Variants in TLE1 observed in about 807,000 individuals in gnomAD.
TLE1 encodes transducin-like enhancer protein 1.
In TLE1, 21 loss-of-function variants were observed where a neutral mutation model predicts 89.8. The observed-to-expected ratio is 0.23, with a 90% confidence interval of 0.17 to 0.34. The LOEUF is 0.34. Ranked by LOEUF, TLE1 falls within the 10% of genes least tolerant of loss-of-function variation. TLE1 has a pLI of 1.00. For missense variants in TLE1, 795 were observed against 1,031.2 expected, an observed-to-expected ratio of 0.77 and a Z score of 3.14; for synonymous variants, 447 against 407.6, an observed-to-expected ratio of 1.10 and a Z score of -1.16.
chr9:81,584,958 T>TCATC (rs1168218036), intron 18 of TLE1, among the ~76,000 whole-genome samples: 1 of 106,862 alleles, frequency 9.4e-6, no homozygotes, highest in Non-Finnish European at 2.0e-5. Context: ...TGATAGGCAC[T>TCATC]CATCCACCCA....
In TLE1 at chr9:81,616,662, A is replaced by C. The variant is rs780682032; in HGVS notation, c.749T>G (p.Val250Gly). ...AATGGTTACCTCATTAGACACATCC[A>C]CAACTAAGTTGTCATCGCTTTTGTC... ...DGDKSDDNLVVDVSNEDPSSP... is the reference protein window; with the variant it reads ...DGDKSDDNLVGDVSNEDPSSP... Residue 250 changes from valine (V) to glycine (G), a missense_variant, in exon 10 of 20, where the codon GTG becomes GGG. Physicochemically the swap from Val to Gly is moderately radical, Grantham distance 109. Transcript: ENST00000376499. 6.2e-7 allele frequency: 1 copy of C among 1,614,132 alleles called. No individual in the cohort carries two copies. Among genetic ancestry groups the C allele is most frequent in the Non-Finnish European group, 8.5e-7 (1 of 1,180,018 alleles).
At chr9:81,648,318 AAAAG>A (rs1287332875) in intron 6 of TLE1, among the ~76,000 whole-genome samples, 1 of 151,780 alleles carries the variant, frequency 6.6e-6, no homozygotes, top group Admixed American at 6.6e-5. Context: ...TTCACATGCC[AAAAG>A]AAAGAAAGAA....
chr9:81,616,572 A>G, intron 10 of TLE1, 74 bp downstream of exon 10: 2 of 1,545,412 alleles, frequency 1.3e-6, no homozygotes, highest in Non-Finnish European at 1.8e-6. Context: ...TACTTCCTTC[A>G]TTCACTGTTA....
chr9:81,645,288 G>A (rs563031072), intron 6 of TLE1, among the ~76,000 whole-genome samples: 16 of 151,602 alleles, frequency 1.1e-4, no homozygotes, highest in South Asian at 8.3e-4. Flanking sequence ...CGCTTAACCC[G>A]GGAGGCAGAG....
rs1207372648 is a variant in TLE1 at position 81,688,689 on chromosome 9, C to T, written c.-449G>A. The T allele has an allele frequency of 1.3e-5, 2 of 159,762 alleles. No individual in the cohort carries two copies. The highest frequency in any genetic ancestry group is 1.8e-4 in the East Asian group (1 of 5,532). The allele number at this position is 159,762 out of a possible 1,614,324, so 9.9% of individuals were successfully genotyped here. A position where few individuals can be genotyped will look rare whatever the true frequency, so the allele number is the denominator to read the frequency against. ...TTTCTTTGCTCTTCTCCTGGTCCGCCTCCTCTTCGGGCTTTCCCCGAGGCG... is the reference window on the plus strand; with the variant it reads ...TTTCTTTGCTCTTCTCCTGGTCCGCTTCCTCTTCGGGCTTTCCCCGAGGCG... On this transcript the variant is annotated 5_prime_UTR_variant, in exon 1 of 20. Coordinates refer to ENST00000376499, the MANE Select transcript of TLE1 (RefSeq NM_005077.5).
intron 14 of TLE1, among the ~76,000 whole-genome samples, chr9:81,609,577 A>T (rs1464804945): frequency 1.3e-5 from 2 of 152,290 alleles, no homozygotes; most frequent in South Asian, 2.1e-4. Context: ...GAGTTTTTTT[A>T]AATTCCAATT....
In TLE1 at chr9:81,687,311, G is replaced by T. The variant is rs376527739; in HGVS notation, c.125+23C>A. The T allele has an allele frequency of 2.5e-6, 4 of 1,583,698 alleles. No individual in the cohort carries two copies. The African/African-American group carries it at 4.0e-5, about 16-fold the overall frequency. On this transcript the variant is annotated intron_variant, in intron 2 of 19. Coordinates refer to ENST00000376499, the MANE Select transcript of TLE1 (RefSeq NM_005077.5). ...GGCACCGGGACGCCCGCGACCACTCGCATGGCGCGGCCGGACACGCACCTG... is the reference window on the plus strand; with the variant it reads ...GGCACCGGGACGCCCGCGACCACTCTCATGGCGCGGCCGGACACGCACCTG...
intron 5 of TLE1, 35 bp downstream of exon 5, chr9:81,653,939 T>A: frequency 6.3e-7 from 1 of 1,598,294 alleles, no homozygotes; most frequent in Non-Finnish European, 8.6e-7. Flanking sequence ...AGAAGCAACA[T>A]AATTGCACTT....
chr9:81,626,348 C>T (rs1006252659), intron 8 of TLE1, among the ~76,000 whole-genome samples: 3 of 151,050 alleles, frequency 2.0e-5, no homozygotes, highest in Non-Finnish European at 4.4e-5. Flanking sequence ...TAACGACGCA[C>T]CCCATCACAT....
At chr9:81,601,256 T>C (rs1830884850) in intron 14 of TLE1, among the ~76,000 whole-genome samples, 1 of 152,282 alleles carries the variant, frequency 6.6e-6, no homozygotes. Flanking sequence ...CCACTGAAAC[T>C]TTTTCTTGGC....
At position 81,584,030 on chromosome 9, in the gene TLE1, T is replaced by G; in HGVS notation, c.*168A>C. 1.6e-6 allele frequency: 1 copy of G among 629,152 alleles called. No individual in the cohort carries two copies. The highest frequency in any genetic ancestry group is 2.7e-5 in the East Asian group (1 of 36,378). The allele number at this position is 629,152 out of a possible 1,614,324, so 39.0% of individuals were successfully genotyped here. On this transcript the variant is annotated 3_prime_UTR_variant, in exon 20 of 20. Coordinates refer to ENST00000376499, the MANE Select transcript of TLE1 (RefSeq NM_005077.5). Reference sequence around the variant, plus strand: ...TCTATGTAGACAGGTGACTTTCTGCTGATGGACTTGTCGCCTCCTCTTTGT... The same window carrying G: ...TCTATGTAGACAGGTGACTTTCTGCGGATGGACTTGTCGCCTCCTCTTTGT...
At chr9:81,665,224 T>C (rs1307196023) in intron 4 of TLE1, among the ~76,000 whole-genome samples, 1 of 152,154 alleles carries the variant, frequency 6.6e-6, no homozygotes, top group Non-Finnish European at 1.5e-5. Context: ...CCTCGCACAA[T>C]ATTCATTTAA....
intron 4 of TLE1, among the ~76,000 whole-genome samples, chr9:81,685,462 C>T (rs948983508): frequency 3.9e-5 from 6 of 152,126 alleles, no homozygotes; most frequent in Non-Finnish European, 8.8e-5. Flanking sequence ...ATTTCCAAAA[C>T]ACCTCTCCCT....
chr9:81,672,913 G>T (rs1832405674), intron 4 of TLE1, among the ~76,000 whole-genome samples: 1 of 152,110 alleles, frequency 6.6e-6, no homozygotes, highest in African/African-American at 2.4e-5. Context: ...ATTACTTAAA[G>T]CTATTGCCTT....
At chr9:81,612,794 A>G (rs1427537134) in intron 12 of TLE1, among the ~76,000 whole-genome samples, 3 of 152,200 alleles carry the variant, frequency 2.0e-5, no homozygotes, top group South Asian at 4.1e-4. Context: ...AAGGTAGCTC[A>G]CGCCTGTAAT....
chr9:81,611,299 C>T (rs1311997735), intron 13 of TLE1, among the ~76,000 whole-genome samples: 1 of 152,060 alleles, frequency 6.6e-6, no homozygotes. Flanking sequence ...ATAAGTCATG[C>T]TATTGGGTTT....
In TLE1 at chr9:81,620,502, C is replaced by T; in HGVS notation, c.650G>A (p.Gly217Glu). Residue 217 changes from glycine (G) to glutamate (E), a missense_variant, in exon 9 of 20, where the codon GGA (glycine) becomes GAA (glutamate). Gly to Glu is a moderately conservative substitution (Grantham distance 98). This residue lies in a region of TLE1 where 468 missense variants were observed against 509.1 expected (regional missense o/e 0.92). Transcript: ENST00000376499. ...SLRGTDKRRN[G>E]PEFSNDIKKR... ...CTTGATGTCATTGGAAAATTCAGGT[C>T]CATTTCTGCGTTTATCTGTGCCTCT... 1 of 1,614,048 alleles carries T rather than the reference C, an allele frequency of 6.2e-7. No homozygotes were observed. Among genetic ancestry groups the T allele is most frequent in the South Asian group, 1.1e-5 (1 of 91,070 alleles).
chr9:81,672,492 T>G (rs529873210), intron 4 of TLE1, among the ~76,000 whole-genome samples: 1 of 151,564 alleles, frequency 6.6e-6, no homozygotes, highest in Admixed American at 6.6e-5. Flanking sequence ...CCCCAAATAT[T>G]AGTACATCAG....
intron 4 of TLE1, 35 bp downstream of exon 4, chr9:81,685,641 G>A: frequency 6.2e-7 from 1 of 1,601,330 alleles, no homozygotes; most frequent in Non-Finnish European, 8.6e-7. Flanking sequence ...ATGAACTGAT[G>A]TCTCATTTCA....
Sources: gnomAD v4.1 joint callset for allele counts (sites outside exome capture counted in the v4.1 genomes callset) on GRCh38, gnomAD v4.1.1 for gene constraint, gnomAD v4.1.1 regional missense constraint, MANE v1.5 for transcripts, NCBI Gene and HGNC (gene_info 2026-07-23, HGNC 2026-07-21) for gene names.